Variants in CCDC66 observed in about 807,000 individuals in gnomAD.
CCDC66 encodes coiled-coil domain-containing protein 66.
CCDC66 carries 133 observed loss-of-function variants against 128.3 expected under a neutral mutation model. The ratio of observed to expected loss-of-function variants is 1.04; its 90% CI spans 0.90 to 1.20. The LOEUF is 1.20. CCDC66 is among the 50% of genes most tolerant of loss of function. The pLI is 0.00. For missense variants in CCDC66, 1,126 were observed against 1,075.5 expected (o/e 1.05, Z -0.66); for synonymous variants, 387 against 357.0 (o/e 1.08, Z -0.95).
chr3:56,598,014 G>C (rs2072417591), intron 10 of CCDC66, among the ~76,000 whole-genome samples: 1 of 151,792 alleles, frequency 6.6e-6, no homozygotes, highest in South Asian at 2.1e-4. Flanking sequence ...GACCTCAGGT[G>C]ATCCACCCGC....
intron 11 of CCDC66, 92 bp from the exon 12 acceptor site, chr3:56,615,036 A>G: frequency 7.5e-7 from 1 of 1,341,790 alleles, no homozygotes; most frequent in Non-Finnish European, 1.0e-6. Context: ...TGCCTGATAC[A>G]TAGGAGAAGC....
At chr3:56,592,127 A>G (rs1174163377) in intron 7 of CCDC66, among the ~76,000 whole-genome samples, 1 of 152,150 alleles carries the variant, frequency 6.6e-6, no homozygotes, top group African/African-American at 2.4e-5. Context: ...TGTTATTGAA[A>G]CATCATAGGC....
intron 7 of CCDC66, among the ~76,000 whole-genome samples, chr3:56,590,102 G>A (rs1024240112): frequency 3.2e-4 from 49 of 152,196 alleles, no homozygotes; most frequent in African/African-American, 1.0e-3. Context: ...CCTTTTCTGC[G>A]TGGCCAGTAG....
chr3:56,603,288 A>G lies in CCDC66; in HGVS notation c.1404+9260A>G, dbSNP rs528323059. Reference sequence around the variant, plus strand: ...AGGGTTTCGTGTCTGTATCTCCTACAGTTCTGCTCTAATCTTAGTTATTTC... The same window carrying G: ...AGGGTTTCGTGTCTGTATCTCCTACGGTTCTGCTCTAATCTTAGTTATTTC... On this transcript the variant is annotated intron_variant, in intron 10 of 17. Transcript: ENST00000394672. Among the ~76,000 whole-genome samples the G allele has an allele frequency of 2.0e-5, 3 of 151,910 alleles. No homozygotes were observed. The East Asian group carries it at 5.8e-4, about 29-fold the overall frequency.
In CCDC66 at chr3:56,566,982, G is replaced by A; in HGVS notation, c.743G>A (p.Ser248Asn). ...ENEWKPADIF[S>N]TLGERECDRS... ...GAATGGAAACCAGCTGATATATTCA[G>A]TACTCTGGGGGAAAGGGAATGTGAT... Residue 248 changes from serine (S) to asparagine (N), a missense_variant, in exon 6 of 18, where the codon AGT becomes AAT. By Grantham distance (46) the Ser-to-Asn change is conservative. Coordinates refer to ENST00000394672, the MANE Select transcript of CCDC66 (RefSeq NM_001141947.3). 6.2e-7 allele frequency: 1 copy of A among 1,614,084 alleles called. No homozygotes were observed. Among genetic ancestry groups the A allele is most frequent in the Non-Finnish European group, 8.5e-7 (1 of 1,179,984 alleles).
chr3:56,557,343 T>A, intron 1 of CCDC66, 90 bp downstream of exon 1: 1 of 1,489,686 alleles, frequency 6.7e-7, no homozygotes, highest in Non-Finnish European at 9.0e-7. Context: ...TCCCTTGGAG[T>A]CTTTACTGGA....
intron 7 of CCDC66, among the ~76,000 whole-genome samples, chr3:56,590,628 G>A (rs1159381095): frequency 6.6e-6 from 1 of 151,974 alleles, no homozygotes; most frequent in Non-Finnish European, 1.5e-5. Context: ...GTGTGGTGGT[G>A]TGCATCTGTA....
At chr3:56,588,029 T>C (rs2106844678) in intron 7 of CCDC66, among the ~76,000 whole-genome samples, 1 of 152,216 alleles carries the variant, frequency 6.6e-6, no homozygotes, top group East Asian at 1.9e-4. Context: ...TCAAAAAATA[T>C]GGAACCAGCC....
chr3:56,620,589 T>C (rs886695652), intron 17 of CCDC66: 1 of 152,214 alleles, frequency 6.6e-6, no homozygotes, highest in Admixed American at 6.5e-5. Flanking sequence ...TTGACTCAGA[T>C]GTTTTTCCCT....
At position 56,617,265 on chromosome 3, in the gene CCDC66, A is replaced by G; in HGVS notation, c.1997A>G (p.Lys666Arg). Residue 666 changes from lysine to arginine, a missense_variant, in exon 14 of 18, where the codon AAA becomes AGA. Lys to Arg is a conservative substitution (Grantham distance 26). Transcript: ENST00000394672. ...AACAAGCAAGAACTAACTCAGGATAAAGGAGCCAGCTTAGAAAAAGAAAAC... is the reference window on the plus strand; with the variant it reads ...AACAAGCAAGAACTAACTCAGGATAGAGGAGCCAGCTTAGAAAAAGAAAAC... ...KKNKQELTQDKGASLEKENNR... is the reference protein window; with the variant it reads ...KKNKQELTQDRGASLEKENNR... The G allele has an allele frequency of 1.2e-6, 2 of 1,614,044 alleles. No homozygotes were observed. Among genetic ancestry groups the G allele is most frequent in the Non-Finnish European group, 1.7e-6 (2 of 1,179,988 alleles).
intron 10 of CCDC66, among the ~76,000 whole-genome samples, chr3:56,602,297 GC>G (rs1222098410): frequency 6.6e-6 from 1 of 152,078 alleles, no homozygotes; most frequent in African/African-American, 2.4e-5. Flanking sequence ...TGATGAACCA[GC>G]CTTGCATCCC....
chr3:56,615,559 A>G (rs2075385566), intron 12 of CCDC66: 1 of 349,548 alleles, frequency 2.9e-6, no homozygotes, highest in South Asian at 4.8e-5. Flanking sequence ...CCTATTTTTA[A>G]TACCTTCAAT....
rs563072557 is a variant in CCDC66, at chr3:56,594,467, C to T, written c.1404+439C>T. Among the ~76,000 whole-genome samples, 390 of 151,918 alleles carry T rather than the reference C, an allele frequency of 2.6e-3. 1 individual carries two copies. Among genetic ancestry groups the T allele is most frequent in the Non-Finnish European group, 4.3e-3 (290 of 67,946 alleles). ...TTTGGGAGGCTGAGTGGGCAGATCA[C>T]GAGGTCAGGAGATCAAGACCATCCT... On this transcript the variant is annotated intron_variant, in intron 10 of 17. Coordinates refer to ENST00000394672, the MANE Select transcript of CCDC66 (RefSeq NM_001141947.3).
At chr3:56,617,877 C>G (rs901382742) in intron 14 of CCDC66, 1 of 568,956 alleles carries the variant, frequency 1.8e-6, no homozygotes, top group African/African-American at 1.9e-5. Context: ...GAAAAGGTTT[C>G]CTTATGCTTA....
At chr3:56,603,561 A>G (rs554359151) in intron 10 of CCDC66, among the ~76,000 whole-genome samples, 3 of 152,070 alleles carry the variant, frequency 2.0e-5, no homozygotes, top group South Asian at 2.1e-4. Flanking sequence ...GTCATTCAGG[A>G]GCAGGTTGGT....
chr3:56,579,956 G>T (rs569942703), intron 7 of CCDC66, among the ~76,000 whole-genome samples: 1 of 151,722 alleles, frequency 6.6e-6, no homozygotes, highest in Non-Finnish European at 1.5e-5. Flanking sequence ...TCAATTCCTC[G>T]ATATCCTTGT....
intron 10 of CCDC66, among the ~76,000 whole-genome samples, chr3:56,600,289 T>C (rs992609565): frequency 3.3e-5 from 5 of 151,390 alleles, no homozygotes; most frequent in African/African-American, 1.2e-4. Flanking sequence ...GCTGGGATTA[T>C]AGGTGCCCGC....
intron 10 of CCDC66, among the ~76,000 whole-genome samples, chr3:56,603,795 A>G (rs974195660): frequency 6.6e-6 from 1 of 152,016 alleles, no homozygotes; most frequent in African/African-American, 2.4e-5. Context: ...GTAGATGTCT[A>G]TTAGGTCTGC....
intron 1 of CCDC66, among the ~76,000 whole-genome samples, chr3:56,558,137 T>C (rs2064601984): frequency 6.6e-6 from 1 of 152,176 alleles, no homozygotes; most frequent in South Asian, 2.1e-4. Flanking sequence ...AATTTCGCAT[T>C]CCTAATCAGA....
Sources: allele counts gnomAD v4.1 joint callset (sites outside exome capture counted in the v4.1 genomes callset), GRCh38; gene constraint gnomAD v4.1.1; transcripts MANE v1.5; gene names NCBI Gene and HGNC (gene_info 2026-07-23, HGNC 2026-07-21).